Variants in NKAIN3 observed in about 807,000 individuals in gnomAD.
The protein encoded by NKAIN3 is sodium/potassium-transporting ATPase subunit beta-1-interacting protein 3.
Under a neutral mutation model 30.2 loss-of-function variants are expected in NKAIN3, and 25 were observed. The ratio of observed to expected loss-of-function variants is 0.83; its 90% CI spans 0.60 to 1.16. NKAIN3 has a LOEUF of 1.16. NKAIN3 is among the 50% of genes most tolerant of loss of function. The pLI is 0.00. For missense variants in NKAIN3, 225 were observed against 254.1 expected, an observed-to-expected ratio of 0.89 and a Z score of 0.78; for synonymous variants, 91 against 89.6, an observed-to-expected ratio of 1.02 and a Z score of -0.09.
intron 4 of NKAIN3, among the ~76,000 whole-genome samples, chr8:62,789,158 C>T (rs935402887): frequency 2.0e-5 from 3 of 152,150 alleles, no homozygotes; most frequent in African/African-American, 7.2e-5. Context: ...ATTCTTCCTA[C>T]CCATGAGCAT....
At chr8:62,546,108 T>G (rs778113542) in intron 1 of NKAIN3, among the ~76,000 whole-genome samples, 13 of 152,182 alleles carry the variant, frequency 8.5e-5, no homozygotes, top group Non-Finnish European at 1.3e-4. Flanking sequence ...ACATTCTGGA[T>G]AGCAGATGAA....
chr8:62,400,573 A>G (rs1341844731), intron 1 of NKAIN3, among the ~76,000 whole-genome samples: 2 of 152,046 alleles, frequency 1.3e-5, no homozygotes, highest in Non-Finnish European at 2.9e-5. Flanking sequence ...TGTCCTAGCA[A>G]TTGTTGTAGG....
intron 1 of NKAIN3, among the ~76,000 whole-genome samples, chr8:62,410,308 TGTA>T (rs1315423438): frequency 6.6e-6 from 1 of 152,242 alleles, no homozygotes; most frequent in Non-Finnish European, 1.5e-5. Context: ...TTTGTGGCTG[TGTA>T]GTATTCCATG....
At chr8:62,264,381 G>A (rs1386739504) in intron 1 of NKAIN3, among the ~76,000 whole-genome samples, 1 of 152,032 alleles carries the variant, frequency 6.6e-6, no homozygotes, top group Non-Finnish European at 1.5e-5. Context: ...CTCTTCAGTT[G>A]GTATCCATTA....
At chr8:62,683,904 G>T (rs920134621) in intron 3 of NKAIN3, among the ~76,000 whole-genome samples, 3 of 152,154 alleles carry the variant, frequency 2.0e-5, no homozygotes, top group Non-Finnish European at 4.4e-5. Flanking sequence ...TGACCTGGCT[G>T]GTGCATGGTT....
Position 62,394,779 on chromosome 8 carries a change from T to C in NKAIN3, c.54+145652T>C, listed in dbSNP as rs568497845. ...GCAGAGGCGCTCATCACTTCTCAGA[T>C]GGTGGGGCGGCCAAGCAGAGACTCT... On this transcript the variant is annotated intron_variant, in intron 1 of 6. Coordinates refer to ENST00000623646, the MANE Select transcript of NKAIN3 (RefSeq NM_001304533.3). 5.8e-3 allele frequency among the ~76,000 whole-genome samples: 796 copies of C among 136,410 alleles called. 4 individuals are homozygous for C. Among genetic ancestry groups the C allele is most frequent in the Middle Eastern group, 0.013 (3 of 228 alleles). The allele number at this position is 136,410 out of a possible 152,430, so 89.5% of individuals were successfully genotyped here. A position where few individuals can be genotyped will look rare whatever the true frequency, so the allele number is the denominator to read the frequency against.
At chr8:62,432,662 TCTAAACCCC>T (rs1218921746) in intron 1 of NKAIN3, among the ~76,000 whole-genome samples, 2 of 152,096 alleles carry the variant, frequency 1.3e-5, no homozygotes, top group African/African-American at 4.8e-5. Context: ...TGCATCCCAG[TCTAAACCCC>T]TTAGCCTGGA....
At position 62,918,442 on chromosome 8, in the gene NKAIN3, C is replaced by T. The variant is rs541315820; in HGVS notation, c.472-11C>T. 398 of 1,605,330 alleles carry T rather than the reference C, an allele frequency of 2.5e-4. 1 individual carries two copies. In the East Asian group the frequency reaches 6.8e-3, roughly 27 times the overall value. ...TAGATTCTTAAGGTACACATTTTTT[C>T]CCTTTTGCAGTTGGTGGGTTTTGTG... On this transcript the variant is annotated splice_polypyrimidine_tract_variant and intron_variant, in intron 4 of 6. Transcript: ENST00000623646.
chr8:62,986,558 C>T (rs995441463), downstream of NKAIN3, among the ~76,000 whole-genome samples: 5 of 152,122 alleles, frequency 3.3e-5, no homozygotes, highest in African/African-American at 1.2e-4. Flanking sequence ...ATTAGATGTT[C>T]CTATAATCTA....
At chr8:62,293,820 G>A (rs1164932806) in intron 1 of NKAIN3, among the ~76,000 whole-genome samples, 1 of 152,076 alleles carries the variant, frequency 6.6e-6, no homozygotes, top group East Asian at 1.9e-4. Context: ...GTTCAGCTAT[G>A]CCCTGCCCCC....
At chr8:62,477,617 C>T (rs1416217092) in intron 1 of NKAIN3, among the ~76,000 whole-genome samples, 2 of 152,098 alleles carry the variant, frequency 1.3e-5, no homozygotes, top group Non-Finnish European at 2.9e-5. Context: ...AGGATGCTTG[C>T]TTCATTTTGT....
Position 62,671,714 on chromosome 8 carries a change from T to A in NKAIN3, c.274-75218T>A, listed in dbSNP as rs772768358. 2.6e-4 allele frequency among the ~76,000 whole-genome samples: 39 copies of A among 152,120 alleles called. 1 individual carries two copies. The highest frequency in any genetic ancestry group is 6.6e-4 in the Admixed American group (10 of 15,256). ...CAGGCTTCAGGCATAGTTTGATTCT[T>A]GGGACTAAATTATTACTGGGGTTCT... is the stretch of plus-strand genomic sequence containing the variant. On this transcript the variant is annotated intron_variant, in intron 3 of 6. Coordinates refer to ENST00000623646, the MANE Select transcript of NKAIN3 (RefSeq NM_001304533.3).
chr8:62,926,039 G>A (rs1210730006), intron 5 of NKAIN3, among the ~76,000 whole-genome samples: 1 of 152,118 alleles, frequency 6.6e-6, no homozygotes, highest in African/African-American at 2.4e-5. Flanking sequence ...TGAGAAGGAA[G>A]AATGAAGAAT....
At chr8:62,304,493 T>C (rs1814159889) in intron 1 of NKAIN3, among the ~76,000 whole-genome samples, 1 of 150,382 alleles carries the variant, frequency 6.6e-6, no homozygotes, top group South Asian at 2.1e-4. Context: ...TTTCGATACA[T>C]GAAACAATGT....
At chr8:62,921,697 C>A (rs1480422618) in intron 5 of NKAIN3, among the ~76,000 whole-genome samples, 1 of 152,062 alleles carries the variant, frequency 6.6e-6, no homozygotes, top group Non-Finnish European at 1.5e-5. Context: ...TTTTTCATTG[C>A]TTTTAAATAT....
At chr8:62,576,776 A>G (rs1810122663) in intron 1 of NKAIN3, among the ~76,000 whole-genome samples, 2 of 152,110 alleles carry the variant, frequency 1.3e-5, no homozygotes, top group Non-Finnish European at 1.5e-5. Flanking sequence ...CATCTCCCCA[A>G]CACCACAGAT....
intron 3 of NKAIN3, among the ~76,000 whole-genome samples, chr8:62,701,143 C>A (rs1814318503): frequency 6.6e-6 from 1 of 152,146 alleles, no homozygotes; most frequent in African/African-American, 2.4e-5. Flanking sequence ...GTGCTAGAAC[C>A]ACTTTTTGGC....
At chr8:62,897,467 T>A (rs1821463642) in intron 4 of NKAIN3, among the ~76,000 whole-genome samples, 1 of 152,194 alleles carries the variant, frequency 6.6e-6, no homozygotes, top group Admixed American at 6.5e-5. Context: ...CCTTCAGGAC[T>A]TGACACTATC....
At chr8:62,781,200 A>AAT (rs1161146013) in intron 4 of NKAIN3, among the ~76,000 whole-genome samples, 1 of 151,912 alleles carries the variant, frequency 6.6e-6, no homozygotes, top group Non-Finnish European at 1.5e-5. Flanking sequence ...AAATAAATAA[A>AAT]ATATATATGA....
Sources: allele counts gnomAD v4.1 joint callset (sites outside exome capture counted in the v4.1 genomes callset), GRCh38; gene constraint gnomAD v4.1.1; transcripts MANE v1.5; gene names NCBI Gene and HGNC (gene_info 2026-07-23, HGNC 2026-07-21).